IL15: variants seen among roughly 807,000 people sequenced by gnomAD.
IL15 encodes interleukin 15.
A neutral mutation model predicts 19.6 loss-of-function variants in IL15; 11 were observed. The observed-to-expected ratio is 0.56, with a 90% CI of 0.35 to 0.93. The LOEUF (loss-of-function observed/expected upper bound fraction) is 0.93. IL15 is among the 40% of genes least tolerant of loss of function. IL15 has a pLI of 0.01. For synonymous variants in IL15, 58 were observed against 59.6 expected (o/e 0.97, Z 0.12); for missense variants, 197 against 186.5 (o/e 1.06, Z -0.33).
At chr4:141,652,293 T>G (rs1384543182) in intron 1 of IL15, among the ~76,000 whole-genome samples, 1 of 152,140 alleles carries the variant, frequency 6.6e-6, no homozygotes, top group Non-Finnish European at 1.5e-5. Context: ...CTGTCTCAGA[T>G]AATTTGTACA....
chr4:141,721,707 C>T (rs569459458), intron 4 of IL15: 26 of 559,164 alleles, frequency 4.6e-5, no homozygotes, highest in African/African-American at 1.5e-4. Flanking sequence ...TTCTCTAATC[C>T]GGGTTGGTGA....
chr4:141,662,195 T>C (rs1000117832), intron 2 of IL15, among the ~76,000 whole-genome samples: 3 of 152,260 alleles, frequency 2.0e-5, no homozygotes, highest in Non-Finnish European at 4.4e-5. Flanking sequence ...ACAATGCACC[T>C]TAGAGAACAG....
intron 3 of IL15, 120 bp downstream of exon 3, chr4:141,719,596 T>C (rs928227177): frequency 2.7e-6 from 2 of 740,326 alleles, no homozygotes; most frequent in Non-Finnish European, 4.3e-6. Context: ...ATCACAGATG[T>C]CTGTTCACAT....
intron 2 of IL15, among the ~76,000 whole-genome samples, chr4:141,692,942 C>T (rs762719523): frequency 1.4e-4 from 20 of 143,454 alleles, no homozygotes; most frequent in Admixed American, 7.6e-5. Context: ...TCCATTTTCA[C>T]ACTTCTACAA....
intron 1 of IL15, among the ~76,000 whole-genome samples, chr4:141,640,991 G>A (rs1465744080): frequency 2.0e-5 from 3 of 152,168 alleles, no homozygotes; most frequent in East Asian, 1.9e-4. Flanking sequence ...TGTGACACAC[G>A]AAAGGAGCCC....
At chr4:141,649,007 C>T (rs1431006741) in intron 1 of IL15, among the ~76,000 whole-genome samples, 1 of 152,084 alleles carries the variant, frequency 6.6e-6, no homozygotes, top group African/African-American at 2.4e-5. Flanking sequence ...TCTCGTGGAA[C>T]AATTATTGTT....
intron 5 of IL15, among the ~76,000 whole-genome samples, chr4:141,724,905 T>C (rs983546609): frequency 2.0e-5 from 3 of 152,128 alleles, no homozygotes; most frequent in Non-Finnish European, 2.9e-5. Flanking sequence ...CAGTCTCTTC[T>C]AGAAAATAGA....
chr4:141,720,811 A>G, intron 4 of IL15: 1 of 552,824 alleles, frequency 1.8e-6, no homozygotes. Flanking sequence ...GGGCCTTTTG[A>G]TATTTAACTG....
At chr4:141,678,242 T>C (rs1270949245) in intron 2 of IL15, among the ~76,000 whole-genome samples, 1 of 152,220 alleles carries the variant, frequency 6.6e-6, no homozygotes, top group Admixed American at 6.5e-5. Flanking sequence ...TTTATTAGTT[T>C]ATTCTGCCCT....
rs865846625 is a variant in IL15 at position 141,709,023 on chromosome 4, G to A, written c.-99-10343G>A. ...TTGTAATTCAATATTATTCAATATT[G>A]AAAATTTTCAATATTATTCAATATT... On this transcript the variant is annotated intron_variant, in intron 2 of 7. Coordinates refer to ENST00000320650, the MANE Select transcript of IL15 (RefSeq NM_000585.5). Among the ~76,000 whole-genome samples the A allele has an allele frequency of 1.6e-4, 16 of 97,652 alleles. No individual in the cohort carries two copies. In the South Asian group the frequency reaches 4.5e-3, roughly 27 times the overall value. 64.1% of individuals were successfully genotyped at this position (97,652 alleles called of 152,430 possible).
At chr4:141,728,147 T>C (rs1225596424) in intron 6 of IL15, among the ~76,000 whole-genome samples, 163 bp downstream of exon 6, 1 of 152,078 alleles carries the variant, frequency 6.6e-6, no homozygotes, top group Admixed American at 6.6e-5. Flanking sequence ...AGATGGGACT[T>C]GGGGACAGAT....
At chr4:141,655,101 G>C (rs1225234435) in intron 1 of IL15, among the ~76,000 whole-genome samples, 2 of 152,106 alleles carry the variant, frequency 1.3e-5, no homozygotes, top group Non-Finnish European at 2.9e-5. Flanking sequence ...CCCATCCTAT[G>C]TCATTTATGG....
intron 2 of IL15, among the ~76,000 whole-genome samples, chr4:141,678,198 T>C (rs759116029): frequency 3.2e-4 from 48 of 152,234 alleles, no homozygotes; most frequent in Non-Finnish European, 5.7e-4. Context: ...TAGGTTTTGT[T>C]ATGCCCCATA....
chr4:141,637,286 T>A, intron 1 of IL15: 1 of 152,402 alleles, frequency 6.6e-6, no homozygotes, highest in African/African-American at 2.4e-5. Context: ...CCGGTGCAGA[T>A]GTCTGTGCGT....
At chr4:141,720,100 C>T (rs1730022651) in intron 3 of IL15, among the ~76,000 whole-genome samples, 1 of 151,764 alleles carries the variant, frequency 6.6e-6, no homozygotes. Flanking sequence ...TTAACCTGTG[C>T]TGTATAAAAT....
At chr4:141,702,259 G>A (rs1031962437) in intron 2 of IL15, among the ~76,000 whole-genome samples, 1 of 152,150 alleles carries the variant, frequency 6.6e-6, no homozygotes, top group South Asian at 2.1e-4. Flanking sequence ...TTGATATGGT[G>A]TTCTCTCCCT....
At chr4:141,661,643 A>G (rs1177963086) in intron 2 of IL15, among the ~76,000 whole-genome samples, 1 of 152,140 alleles carries the variant, frequency 6.6e-6, no homozygotes, top group Admixed American at 6.5e-5. Flanking sequence ...ATCTTTGACC[A>G]ATGGGATACA....
intron 1 of IL15, among the ~76,000 whole-genome samples, chr4:141,640,186 A>C (rs1726995981): frequency 6.6e-6 from 1 of 152,162 alleles, no homozygotes; most frequent in African/African-American, 2.4e-5. Flanking sequence ...GTAGGAACCT[A>C]ATGTGAATTT....
intron 2 of IL15, among the ~76,000 whole-genome samples, chr4:141,695,371 T>C (rs1168481915): frequency 6.6e-6 from 1 of 150,714 alleles, no homozygotes; most frequent in African/African-American, 2.4e-5. Context: ...CTTAACATGA[T>C]GTCCTACAAG....
Sources: gnomAD v4.1 joint callset for allele counts (sites outside exome capture counted in the v4.1 genomes callset) on GRCh38, gnomAD v4.1.1 for gene constraint, MANE v1.5 for transcripts, NCBI Gene and HGNC (gene_info 2026-07-23, HGNC 2026-07-21) for gene names.